MAP3K3: variants seen among roughly 807,000 people sequenced by gnomAD.
MAP3K3 encodes mitogen-activated protein kinase kinase kinase 3, also known as MAP/ERK kinase kinase 3.
MAP3K3 carries 12 observed loss-of-function variants against 80.9 expected under a neutral mutation model. The observed-to-expected ratio is 0.15, with a 90% CI of 0.10 to 0.24. The LOEUF (loss-of-function observed/expected upper bound fraction) is 0.24, where lower values mean the gene tolerates loss of function less well. Among genes scored for constraint, MAP3K3 ranks in the 10% least tolerant of loss-of-function variants. The probability of loss-of-function intolerance (pLI) is 1.00; values close to 1 mark genes in which losing one functional copy is unlikely to be tolerated. For missense variants in MAP3K3, 596 were observed against 834.7 expected (o/e 0.71, Z 3.52); for synonymous variants, 272 against 307.1 (o/e 0.89, Z 1.19).
chr17:63,639,012 C>T (rs1329807176), intron 2 of MAP3K3, among the ~76,000 whole-genome samples: 2 of 151,962 alleles, frequency 1.3e-5, no homozygotes, highest in African/African-American at 4.8e-5. Flanking sequence ...CAGAGCAAGA[C>T]TCCATCTCAG....
intron 7 of MAP3K3, among the ~76,000 whole-genome samples, chr17:63,684,684 A>G (rs9903903): frequency 0.38 from 57,600 of 152,118 alleles, 14,264 homozygotes; most frequent in African/African-American, 0.71. Context: ...CAGAAACAAG[A>G]TCTCACTATG....
chr17:63,660,085 C>G (rs2143409239), intron 5 of MAP3K3, among the ~76,000 whole-genome samples: 1 of 152,336 alleles, frequency 6.6e-6, no homozygotes, highest in East Asian at 1.9e-4. Context: ...CTCCAGGATA[C>G]TATATCACCT....
At chr17:63,646,625 T>C (rs2034546186) in intron 3 of MAP3K3, among the ~76,000 whole-genome samples, 1 of 152,236 alleles carries the variant, frequency 6.6e-6, no homozygotes, top group African/African-American at 2.4e-5. Context: ...CGGTCTGTGT[T>C]CTGAATCTTA....
intron 3 of MAP3K3, among the ~76,000 whole-genome samples, chr17:63,649,281 A>G (rs532155204): frequency 7.3e-4 from 111 of 152,010 alleles, no homozygotes; most frequent in Non-Finnish European, 1.3e-3. Flanking sequence ...TACTAAAAAT[A>G]TAAAAATTAG....
chr17:63,673,440 A>G, intron 6 of MAP3K3, among the ~76,000 whole-genome samples: 1 of 152,174 alleles, frequency 6.6e-6, no homozygotes, highest in African/African-American at 2.4e-5. Context: ...GAGTTAATCC[A>G]AAGGAATTAA....
chr17:63,670,977 G>A (rs535006609), intron 6 of MAP3K3, among the ~76,000 whole-genome samples: 14 of 152,260 alleles, frequency 9.2e-5, no homozygotes, highest in African/African-American at 7.2e-5. Flanking sequence ...TTACATATTC[G>A]TATTTGTATT....
intron 3 of MAP3K3, among the ~76,000 whole-genome samples, chr17:63,651,504 T>C (rs1311740584): frequency 6.6e-6 from 1 of 151,934 alleles, no homozygotes; most frequent in African/African-American, 2.4e-5. Flanking sequence ...CCCCACAACT[T>C]TTTATTATGG....
chr17:63,685,245 A>G (rs1402457781), intron 7 of MAP3K3, among the ~76,000 whole-genome samples: 2 of 152,220 alleles, frequency 1.3e-5, no homozygotes, highest in African/African-American at 4.8e-5. Flanking sequence ...AGCCAAGAAC[A>G]TGCCAACAAG....
intron 10 of MAP3K3, 21 bp downstream of exon 10, chr17:63,688,902 T>C: frequency 6.3e-7 from 1 of 1,581,830 alleles, no homozygotes; most frequent in Non-Finnish European, 8.7e-7. Context: ...CTTCACCTGC[T>C]CCCTGCTGGC....
chr17:63,690,533 CCTTTCTG>C, intron 12 of MAP3K3, 121 bp downstream of exon 12: 1 of 1,091,584 alleles, frequency 9.2e-7, no homozygotes, highest in Non-Finnish European at 1.3e-6. Flanking sequence ...TCCCAAACTC[CCTTTCTG>C]TCCATCCTGG....
At chr17:63,664,858 T>C (rs980912829) in intron 5 of MAP3K3, among the ~76,000 whole-genome samples, 2 of 152,166 alleles carry the variant, frequency 1.3e-5, no homozygotes, top group African/African-American at 2.4e-5. Flanking sequence ...TTATTCAAGG[T>C]GTCCTAAACC....
chr17:63,637,847 T>C (rs890499690), intron 2 of MAP3K3, among the ~76,000 whole-genome samples: 3 of 152,224 alleles, frequency 2.0e-5, no homozygotes, highest in African/African-American at 7.2e-5. Flanking sequence ...GAGTCTGGGC[T>C]CTGGATCTAA....
intron 6 of MAP3K3, among the ~76,000 whole-genome samples, chr17:63,670,883 G>A (rs2035093849): frequency 6.6e-6 from 1 of 152,126 alleles, no homozygotes; most frequent in Non-Finnish European, 1.5e-5. Context: ...AGAGCCTTGT[G>A]GACCCTGGTT....
chr17:63,645,093 T>C (rs924564424), intron 2 of MAP3K3, among the ~76,000 whole-genome samples: 4 of 152,270 alleles, frequency 2.6e-5, no homozygotes, highest in Non-Finnish European at 5.9e-5. Context: ...TTTATACTTC[T>C]GTTCTTCAAT....
intron 4 of MAP3K3, among the ~76,000 whole-genome samples, chr17:63,656,401 A>G (rs772270520): frequency 6.6e-6 from 1 of 151,910 alleles, no homozygotes; most frequent in South Asian, 2.1e-4. Flanking sequence ...TCAGGAGTTC[A>G]AGACCAACCT....
rs552502978 is a variant in MAP3K3 at position 63,629,267 on chromosome 17, C to T, written c.5-3414C>T. 9.9e-5 allele frequency among the ~76,000 whole-genome samples: 15 copies of T among 152,142 alleles called. No homozygotes were observed. The East Asian group carries it at 1.5e-3, about 16-fold the overall frequency. ...CCTCCCAAGTAGCTGGGATTACAGGCGCACACCACCACGCGCAGTTAATTT... is the reference window on the plus strand; with the variant it reads ...CCTCCCAAGTAGCTGGGATTACAGGTGCACACCACCACGCGCAGTTAATTT... On this transcript the variant is annotated intron_variant, in intron 1 of 15. Coordinates refer to ENST00000361733, the MANE Select transcript of MAP3K3 (RefSeq NM_002401.5).
At chr17:63,655,966 A>G (rs2034758610) in intron 4 of MAP3K3, among the ~76,000 whole-genome samples, 1 of 152,184 alleles carries the variant, frequency 6.6e-6, no homozygotes, top group African/African-American at 2.4e-5. Context: ...GCGATGGTTC[A>G]TGCCTGTAAT....
chr17:63,667,104 C>T (rs1257652804), intron 6 of MAP3K3, 44 bp downstream of exon 6: 2 of 1,533,192 alleles, frequency 1.3e-6, no homozygotes, highest in South Asian at 2.5e-5. Context: ...TTTTATCTGC[C>T]CACATTTTAA....
At chr17:63,667,717 G>C (rs2143466381) in intron 6 of MAP3K3, among the ~76,000 whole-genome samples, 1 of 152,214 alleles carries the variant, frequency 6.6e-6, no homozygotes, top group South Asian at 2.1e-4. Flanking sequence ...TTTATAATAT[G>C]ATGTAAATAC....
Sources: gnomAD v4.1 joint callset for allele counts (sites outside exome capture counted in the v4.1 genomes callset) on GRCh38, gnomAD v4.1.1 for gene constraint, MANE v1.5 for transcripts, NCBI Gene and HGNC (gene_info 2026-07-23, HGNC 2026-07-21) for gene names.